NCKAP5L: variants seen among roughly 807,000 people sequenced by gnomAD.
NCKAP5L encodes the protein nck-associated protein 5-like.
A neutral mutation model predicts 103.2 loss-of-function variants in NCKAP5L; 54 were observed. The observed-to-expected ratio is 0.52, with a 90% CI of 0.42 to 0.66. NCKAP5L has a LOEUF of 0.66. Among genes scored for constraint, NCKAP5L ranks in the 30% least tolerant of loss-of-function variants. The pLI, the probability that NCKAP5L is intolerant of heterozygous loss-of-function variation, is 0.00. For missense variants in NCKAP5L, 1,733 were observed against 1,750.6 expected, an observed-to-expected ratio of 0.99 and a Z score of 0.18; for synonymous variants, 762 against 748.6, an observed-to-expected ratio of 1.02 and a Z score of -0.29.
chr12:49,802,080 G>T, intron 5 of NCKAP5L, 113 bp from the exon 6 acceptor site: 2 of 1,312,946 alleles, frequency 1.5e-6, no homozygotes, highest in Non-Finnish European at 2.1e-6. Flanking sequence ...ACCCTTCTGG[G>T]CACACACTTC....
rs780245722 is a variant in NCKAP5L, at chr12:49,796,246, C to A, written c.1614G>T (p.Pro538=). The change falls in exon 8 of 13, where the codon CCG becomes CCT. Residue 538 remains proline, a synonymous_variant. Coordinates refer to ENST00000335999, the MANE Select transcript of NCKAP5L (RefSeq NM_001037806.4). ...TTPDSTQLRP[P]QSALSTTLSP... ...ACAGCGTGGTGGACAAGGCTGACTG[C>A]GGGGGTCTGAGCTGTGTGGAGTCTG... 2.4e-5 allele frequency: 37 copies of A among 1,572,798 alleles called. No homozygotes were observed. Among genetic ancestry groups the A allele is most frequent in the East Asian group, 1.8e-4 (8 of 44,586 alleles).
chr12:49,791,538 A>T lies in NCKAP5L; in HGVS notation c.*301T>A. On this transcript the variant is annotated 3_prime_UTR_variant, in exon 13 of 13. Coordinates refer to ENST00000335999, the MANE Select transcript of NCKAP5L (RefSeq NM_001037806.4). Reference sequence around the variant, plus strand: ...CAGCACCACAAGATGGCTCAGCCTGAAGTAGGGACTGGAGGGCTGCGACAC... The same window carrying T: ...CAGCACCACAAGATGGCTCAGCCTGTAGTAGGGACTGGAGGGCTGCGACAC... 1 of 274,200 alleles carries T rather than the reference A, an allele frequency of 3.6e-6. No homozygotes were observed. 17.0% of individuals were successfully genotyped at this position (274,200 alleles called of 1,614,324 possible). A position where few individuals can be genotyped will look rare whatever the true frequency, so the allele number is the denominator to read the frequency against.
At chr12:49,816,495 CAAAAAAAAAAA>C (rs1163941989) in intron 1 of NCKAP5L, among the ~76,000 whole-genome samples, 1 of 49,434 alleles carries the variant, frequency 2.0e-5, no homozygotes, top group South Asian at 9.5e-4. Flanking sequence ...TCAACCCTCT[CAAAAAAAAAAA>C]AAAAAAAAAA....
rs776390470 is a variant in NCKAP5L at position 49,796,297 on chromosome 12, G to A, written c.1563C>T (p.Thr521=). The A allele has an allele frequency of 1.3e-6, 2 of 1,545,776 alleles. No individual in the cohort carries two copies. Among genetic ancestry groups the A allele is most frequent in the African/African-American group, 1.4e-5 (1 of 73,018 alleles). ...GGGTTGTGTAGCAGGGTGAAGGGCT[G>A]GTGGGCAGGCCTTGCGCCCCCTCTG... ...LSPEGAQGLP[T]SPSPCYTTPD... is the part of the protein sequence containing the mutation. Residue 521 remains threonine, a synonymous_variant, in exon 8 of 13, where the codon ACC becomes ACT. Coordinates refer to ENST00000335999, the MANE Select transcript of NCKAP5L (RefSeq NM_001037806.4).
At chr12:49,803,843 G>A (rs1946149075) in intron 3 of NCKAP5L, 79 bp downstream of exon 3, 4 of 1,527,988 alleles carry the variant, frequency 2.6e-6, no homozygotes, top group Non-Finnish European at 3.5e-6. Flanking sequence ...AAACCTGCAG[G>A]AAGCTCAGAG....
In NCKAP5L at chr12:49,793,240, C is replaced by A. The variant is rs528800519; in HGVS notation, c.3340+112G>T. The A allele has an allele frequency of 8.1e-5, 92 of 1,137,138 alleles. No homozygotes were observed. The African/African-American group carries it at 1.2e-3, about 15-fold the overall frequency. The allele number at this position is 1,137,138 out of a possible 1,614,324, so 70.4% of individuals were successfully genotyped here. A position where few individuals can be genotyped will look rare whatever the true frequency, so the allele number is the denominator to read the frequency against. On this transcript the variant is annotated intron_variant, in intron 10 of 12. Transcript: ENST00000335999. ...CCAGTGCCCACCTGGTGCTTGGCAC[C>A]AAGATGGCACACAGAGCCTGGCACC...
At position 49,791,944 on chromosome 12, in the gene NCKAP5L, G is replaced by A. The variant is rs771021515; in HGVS notation, c.3900C>T (p.Ala1300=). The change falls in exon 13 of 13, where the codon GCC becomes GCT. Residue 1300 remains alanine (A), a synonymous_variant. Coordinates refer to ENST00000335999, the MANE Select transcript of NCKAP5L (RefSeq NM_001037806.4). ...GSRTPSTSDM[A]EEGRVASGGP... is the part of the protein sequence containing the mutation. ...CCCCGCTGGCCACTCTGCCTTCCTC[G>A]GCCATGTCCGAAGTGCTGGGGGTGC... 1.1e-5 allele frequency: 18 copies of A among 1,612,210 alleles called. No individual in the cohort carries two copies. In the East Asian group the frequency reaches 2.2e-4, roughly 20 times the overall value.
At chr12:49,827,247 A>T (rs1374837072) in intron 1 of NCKAP5L, among the ~76,000 whole-genome samples, 1 of 151,910 alleles carries the variant, frequency 6.6e-6, no homozygotes, top group Non-Finnish European at 1.5e-5. Context: ...CTGGCTGACC[A>T]TTGTGCTTAA....
At chr12:49,826,960 A>C (rs1173518511) in intron 1 of NCKAP5L, among the ~76,000 whole-genome samples, 2 of 152,176 alleles carry the variant, frequency 1.3e-5, no homozygotes, top group Non-Finnish European at 2.9e-5. Flanking sequence ...GAACATGGGA[A>C]TATCTCCCCG....
intron 5 of NCKAP5L, 84 bp downstream of exon 5, chr12:49,802,874 C>T (rs1946135399): frequency 1.4e-6 from 2 of 1,458,556 alleles, no homozygotes; most frequent in South Asian, 2.5e-5. Context: ...GGGCAACAGC[C>T]CATGTCCTCC....
At chr12:49,818,494 A>C (rs1245552546) in intron 1 of NCKAP5L, among the ~76,000 whole-genome samples, 1 of 152,098 alleles carries the variant, frequency 6.6e-6, no homozygotes, top group Non-Finnish European at 1.5e-5. Context: ...AGTAGCTGGG[A>C]CTACAGGCAT....
Position 49,792,313 on chromosome 12 carries a change from G to C in NCKAP5L, c.3792+133C>G. Reference sequence around the variant, plus strand: ...GAGGGCCGCTCACAGGGCATCCCAGGGGTCCTCCTCCCAGAGGGTGCAGCA... The same window carrying C: ...GAGGGCCGCTCACAGGGCATCCCAGCGGTCCTCCTCCCAGAGGGTGCAGCA... On this transcript the variant is annotated intron_variant, in intron 12 of 12. Transcript: ENST00000335999. This position sits in a 1 kb window ranked among gnomAD's most constrained non-coding sequence, Gnocchi z 4.5. 6.5e-7 allele frequency: 1 copy of C among 1,527,474 alleles called. No individual in the cohort carries two copies. The highest frequency in any genetic ancestry group is 8.8e-7 in the Non-Finnish European group (1 of 1,133,176). The allele number at this position is 1,527,474 out of a possible 1,614,324, so 94.6% of individuals were successfully genotyped here.
intron 1 of NCKAP5L, among the ~76,000 whole-genome samples, chr12:49,809,323 G>C (rs935564191): frequency 6.6e-6 from 1 of 152,170 alleles, no homozygotes; most frequent in Non-Finnish European, 1.5e-5. Context: ...ACAGAGACCA[G>C]GCATGGGAGG....
At chr12:49,806,401 C>T (rs544274454) in intron 1 of NCKAP5L, among the ~76,000 whole-genome samples, 2 of 152,358 alleles carry the variant, frequency 1.3e-5, no homozygotes, top group East Asian at 1.9e-4. Context: ...TGTCTTGCCT[C>T]GTGCTCAACA....
Position 49,797,241 on chromosome 12 carries a change from A to G in NCKAP5L, c.619T>C (p.Ser207Pro), listed in dbSNP as rs1946066521. The change falls in exon 8 of 13, where the codon TCA (serine) becomes CCA (proline). Residue 207 changes from serine (S) to proline (P), a missense_variant. Physicochemically the swap from Ser to Pro is moderately conservative, Grantham distance 74 (BLOSUM62 -1). Coordinates refer to ENST00000335999, the MANE Select transcript of NCKAP5L (RefSeq NM_001037806.4). The surrounding 1 kb of genome is among the most constrained non-coding windows in gnomAD (Gnocchi z 4.5). The part of the protein sequence containing the change: ...LEETDPLLLC[S>P]PATPWRPPGQ... ...GGAGGCCGCCAGGGGGTGGCAGGTG[A>G]GCAGAGAAGCAAGGGGTCAGTCTCT... The G allele has an allele frequency of 6.2e-6, 10 of 1,613,440 alleles. No homozygotes were observed. Among genetic ancestry groups the G allele is most frequent in the African/African-American group, 1.3e-5 (1 of 75,030 alleles).
chr12:49,802,225 A>C, intron 5 of NCKAP5L: 67 of 366,800 alleles, frequency 1.8e-4, no homozygotes, highest in East Asian at 4.1e-4. Flanking sequence ...TATCTTTCTC[A>C]TCCCTAGAAT....
intron 1 of NCKAP5L, among the ~76,000 whole-genome samples, chr12:49,807,275 A>G (rs954371809): frequency 7.7e-5 from 11 of 142,436 alleles, no homozygotes; most frequent in Admixed American, 1.5e-4. Flanking sequence ...GTGTGTGTGT[A>G]CACAACAGTG....
intron 1 of NCKAP5L, among the ~76,000 whole-genome samples, chr12:49,823,733 C>G (rs1275763085): frequency 1.3e-5 from 2 of 152,028 alleles, no homozygotes; most frequent in Non-Finnish European, 2.9e-5. Context: ...TGACTGGGCT[C>G]TTCTCAGCAG....
At chr12:49,801,656 G>A (rs576991218) in intron 6 of NCKAP5L, among the ~76,000 whole-genome samples, 192 bp downstream of exon 6, 6 of 152,290 alleles carry the variant, frequency 3.9e-5, no homozygotes, top group South Asian at 4.1e-4. Context: ...ACACCCTCCC[G>A]CTGGTGGGGA....
Sources: gnomAD v4.1 joint callset for allele counts (sites outside exome capture counted in the v4.1 genomes callset) on GRCh38, gnomAD v4.1.1 for gene constraint, Gnocchi (gnomAD v3.1) non-coding constraint, MANE v1.5 for transcripts, NCBI Gene and HGNC (gene_info 2026-07-23, HGNC 2026-07-21) for gene names.